MAST4: variants seen among roughly 807,000 people sequenced by gnomAD.
MAST4 encodes the protein microtubule-associated serine/threonine-protein kinase 4.
A neutral mutation model predicts 162.7 loss-of-function variants in MAST4; 89 were observed. The ratio of observed to expected loss-of-function variants is 0.55; its 90% CI spans 0.46 to 0.65. The LOEUF (loss-of-function observed/expected upper bound fraction) is 0.65. MAST4 is among the 30% of genes least tolerant of loss of function. The probability of loss-of-function intolerance (pLI) is 0.00; values close to 1 mark genes in which losing one functional copy is unlikely to be tolerated. For missense variants in MAST4, 3,153 were observed against 3,374.0 expected (o/e 0.93, Z 1.62); for synonymous variants, 1,479 against 1,361.1 (o/e 1.09, Z -1.91).
intron 5 of MAST4, among the ~76,000 whole-genome samples, chr5:67,060,381 C>T (rs16896217): frequency 0.019 from 2,918 of 151,426 alleles, 97 homozygotes; most frequent in African/African-American, 0.067. Context: ...GAAAAATAAA[C>T]AAGGCAGACT....
rs1380567523 is a variant in MAST4, at chr5:66,900,592, AGAAT to A, written c.674+611_674+614del. Among the ~76,000 whole-genome samples, 12 of 152,264 alleles carry A rather than the reference AGAAT, an allele frequency of 7.9e-5. No homozygotes were observed. In the East Asian group the frequency reaches 1.9e-3, roughly 24 times the overall value. ...CAAGTTGCAGAATAAAATTGAGGAC[AGAAT>A]TAACTACCCTCAATTAAGGTCGAAT... On this transcript the variant is annotated intron_variant, in intron 4 of 28. Transcript: ENST00000403625.
chr5:66,892,892 A>G (rs1762448011), intron 3 of MAST4, among the ~76,000 whole-genome samples: 1 of 152,198 alleles, frequency 6.6e-6, no homozygotes, highest in South Asian at 2.1e-4. Flanking sequence ...CCAGGCAGCC[A>G]GCTGATTTTG....
intron 3 of MAST4, among the ~76,000 whole-genome samples, chr5:66,892,112 T>A (rs980561770): frequency 3.3e-5 from 5 of 152,266 alleles, no homozygotes; most frequent in Non-Finnish European, 1.5e-5. Context: ...ATGCATCATT[T>A]TGCATTTGCT....
intron 1 of MAST4, among the ~76,000 whole-genome samples, chr5:66,749,281 T>C (rs773216047): frequency 1.3e-5 from 2 of 152,088 alleles, no homozygotes; most frequent in African/African-American, 2.4e-5. Context: ...GGACATGACA[T>C]TGGGATTCTG....
intron 1 of MAST4, among the ~76,000 whole-genome samples, chr5:66,736,574 G>A (rs1264213152): frequency 1.3e-5 from 2 of 152,176 alleles, no homozygotes; most frequent in African/African-American, 4.8e-5. Flanking sequence ...TTCCTACTAT[G>A]GCTATTTTAC....
At chr5:66,893,362 C>T (rs568919123) in intron 3 of MAST4, among the ~76,000 whole-genome samples, 12 of 150,830 alleles carry the variant, frequency 8.0e-5, no homozygotes, top group South Asian at 4.2e-4. Context: ...CGTGCCACCA[C>T]GCCCAGCTAA....
At chr5:67,025,586 G>C (rs982915243) in intron 4 of MAST4, among the ~76,000 whole-genome samples, 3 of 152,162 alleles carry the variant, frequency 2.0e-5, no homozygotes, top group Non-Finnish European at 2.9e-5. Flanking sequence ...GGCTGACCCA[G>C]GTGGCCTCTG....
chr5:66,711,418 G>A (rs1027246674), intron 1 of MAST4, among the ~76,000 whole-genome samples: 3 of 152,096 alleles, frequency 2.0e-5, no homozygotes, highest in African/African-American at 4.8e-5. Context: ...TCTGATGGCC[G>A]CCGAGATTCT....
chr5:67,154,669 C>A (rs1440885251), intron 26 of MAST4, among the ~76,000 whole-genome samples: 3 of 152,332 alleles, frequency 2.0e-5, no homozygotes, highest in Non-Finnish European at 2.9e-5. Flanking sequence ...GTCACTGAAA[C>A]TGCTTAAACA....
At chr5:66,756,691 G>A (rs1753560078) in intron 1 of MAST4, among the ~76,000 whole-genome samples, 1 of 152,234 alleles carries the variant, frequency 6.6e-6, no homozygotes, top group South Asian at 2.1e-4. Flanking sequence ...CAGGGCTGCA[G>A]TGGACCGTTT....
intron 25 of MAST4, 64 bp downstream of exon 25, chr5:67,152,930 T>C: frequency 1.5e-6 from 2 of 1,354,406 alleles, no homozygotes; most frequent in Non-Finnish European, 2.1e-6. Flanking sequence ...AGTGGATAGG[T>C]TGGCTGATAA....
chr5:67,047,163 T>C (rs1467284947), intron 4 of MAST4, among the ~76,000 whole-genome samples: 1 of 152,244 alleles, frequency 6.6e-6, no homozygotes, highest in Non-Finnish European at 1.5e-5. Flanking sequence ...TAAGAGTCCA[T>C]TCATCCTGCT....
chr5:66,938,422 T>C (rs750797295), intron 4 of MAST4, among the ~76,000 whole-genome samples: 8 of 152,176 alleles, frequency 5.3e-5, no homozygotes, highest in Non-Finnish European at 1.0e-4. Flanking sequence ...CTTCAAGATA[T>C]GAAAAAATTG....
intron 3 of MAST4, among the ~76,000 whole-genome samples, chr5:66,819,226 TG>T (rs1277400178): frequency 2.0e-5 from 3 of 152,178 alleles, no homozygotes; most frequent in Non-Finnish European, 4.4e-5. Flanking sequence ...GCAAGATTCA[TG>T]GGGGAACATC....
intron 1 of MAST4, among the ~76,000 whole-genome samples, chr5:66,665,963 C>A (rs1747229013): frequency 6.6e-6 from 1 of 152,214 alleles, no homozygotes; most frequent in East Asian, 1.9e-4. Context: ...GTAGTTCTTA[C>A]ATTGAATGTA....
At chr5:66,713,078 C>A (rs943131086) in intron 1 of MAST4, among the ~76,000 whole-genome samples, 13 of 152,174 alleles carry the variant, frequency 8.5e-5, no homozygotes, top group Non-Finnish European at 1.5e-5. Context: ...TTTTTTACTT[C>A]TCTAAATCAG....
intron 3 of MAST4, among the ~76,000 whole-genome samples, chr5:66,846,811 T>G (rs1758888636): frequency 6.6e-6 from 1 of 152,186 alleles, no homozygotes; most frequent in Admixed American, 6.5e-5. Context: ...TCTAAGGGGC[T>G]CATGGAGGTA....
intron 4 of MAST4, among the ~76,000 whole-genome samples, chr5:66,926,872 A>G (rs1306116999): frequency 3.3e-5 from 5 of 152,142 alleles, no homozygotes; most frequent in Non-Finnish European, 5.9e-5. Context: ...CTAGAGAATA[A>G]TTACCAAATT....
chr5:66,980,498 A>G (rs990779145), intron 4 of MAST4, among the ~76,000 whole-genome samples: 1 of 152,200 alleles, frequency 6.6e-6, no homozygotes, highest in Non-Finnish European at 1.5e-5. Context: ...CCCACTGACT[A>G]AAGAAACCAT....
Sources: allele counts gnomAD v4.1 joint callset (sites outside exome capture counted in the v4.1 genomes callset), GRCh38; gene constraint gnomAD v4.1.1; transcripts MANE v1.5; gene names NCBI Gene and HGNC (gene_info 2026-07-23, HGNC 2026-07-21).